The following TRIP12 variants were observed in gnomAD, a reference collection of about 807,000 sequenced individuals.
TRIP12 encodes the protein thyroid hormone receptor interactor 12.
TRIP12 carries 25 observed loss-of-function variants against 244.2 expected under a neutral mutation model. The ratio of observed to expected loss-of-function variants is 0.10; its 90% CI spans 0.07 to 0.14. TRIP12 has a LOEUF of 0.14. TRIP12 is among the 10% of genes least tolerant of loss of function. TRIP12 has a pLI of 1.00. For missense variants in TRIP12, 1,677 were observed against 2,486.4 expected (o/e 0.67, Z 6.92); for synonymous variants, 905 against 873.1 (o/e 1.04, Z -0.64).
intron 2 of TRIP12, among the ~76,000 whole-genome samples, chr2:229,872,269 T>C (rs993973610): frequency 2.6e-5 from 4 of 151,306 alleles, no homozygotes; most frequent in Non-Finnish European, 3.0e-5. Flanking sequence ...ATCTCTCTTT[T>C]AAAAAAAGAA....
rs904718383 is a variant in TRIP12 at position 229,766,997 on chromosome 2, CTGTGAGTTG to C, written c.*548_*556del. The C allele has an allele frequency of 6.6e-6, 1 of 151,914 alleles. No homozygotes were observed. Among genetic ancestry groups the C allele is most frequent in the Non-Finnish European group, 1.5e-5 (1 of 68,004 alleles). The allele number at this position is 151,914 out of a possible 1,614,324, so 9.4% of individuals were successfully genotyped here. On this transcript the variant is annotated 3_prime_UTR_variant, in exon 42 of 42. Coordinates refer to ENST00000675903, the MANE Select transcript of TRIP12 (RefSeq NM_001348323.3). ...CCCATGGGTAACGAAAATTTGAGAA[CTGTGAGTTG>C]TATACAAAAAAAAAACTGTGAGCTG...
chr2:229,909,709 C>A (rs1470441635), intron 1 of TRIP12, among the ~76,000 whole-genome samples: 1 of 151,658 alleles, frequency 6.6e-6, no homozygotes, highest in African/African-American at 2.4e-5. Context: ...ACAAAGTAGC[C>A]AGGTATGGTG....
intron 2 of TRIP12, among the ~76,000 whole-genome samples, chr2:229,867,159 G>T (rs909434042): frequency 2.0e-3 from 92 of 46,334 alleles, no homozygotes; most frequent in East Asian, 7.0e-3. Context: ...GTTTTTTTTT[G>T]TTTGTTTGTT....
intron 15 of TRIP12, among the ~76,000 whole-genome samples, chr2:229,810,598 C>G (rs2047025303): frequency 6.6e-6 from 1 of 152,118 alleles, no homozygotes; most frequent in African/African-American, 2.4e-5. Flanking sequence ...TTCTCCTAAT[C>G]AAGGATGGTT....
At chr2:229,783,690 C>T (rs1050084321) in intron 34 of TRIP12, among the ~76,000 whole-genome samples, 1 of 151,918 alleles carries the variant, frequency 6.6e-6, no homozygotes, top group African/African-American at 2.4e-5. Context: ...TCAATTCTCT[C>T]CAAACTGATC....
intron 38 of TRIP12, among the ~76,000 whole-genome samples, chr2:229,771,841 A>C (rs2154234922): frequency 6.7e-6 from 1 of 150,090 alleles, no homozygotes; most frequent in South Asian, 2.1e-4. Flanking sequence ...AACAAAATGT[A>C]AAAAAAAAAT....
intron 33 of TRIP12, 128 bp from the exon 34 acceptor site, chr2:229,785,983 G>T: frequency 1.3e-6 from 1 of 741,114 alleles, no homozygotes; most frequent in East Asian, 3.0e-5. Flanking sequence ...TCCTTAAACA[G>T]GTAACTCAGA....
chr2:229,811,241 A>T (rs1407007389), intron 13 of TRIP12, 37 bp from the exon 14 acceptor site: 5 of 1,585,662 alleles, frequency 3.2e-6, no homozygotes, highest in Non-Finnish European at 4.3e-6. Flanking sequence ...ATTTATTAGC[A>T]TAAAGCATTT....
At position 229,805,796 on chromosome 2, in the gene TRIP12, T is replaced by A; in HGVS notation, c.2584A>T (p.Asn862Tyr). 1 of 1,611,702 alleles carries A rather than the reference T, an allele frequency of 6.2e-7. No individual in the cohort carries two copies. Among genetic ancestry groups the A allele is most frequent in the African/African-American group, 1.3e-5 (1 of 75,038 alleles). The change falls in exon 18 of 42, where the codon AAT (asparagine) becomes TAT (tyrosine). Residue 862 changes from asparagine (N) to tyrosine (Y), a missense_variant. Transcript: ENST00000675903. Reference protein sequence around the residue: ...TIDFNSMQQINEDTGTARAIQ... With the variant: ...TIDFNSMQQIYEDTGTARAIQ... ...GCACGTGCTGTTCCCGTGTCCTCAT[T>A]GATTTGCTGCATAGAATTAAAATCA...
intron 9 of TRIP12, among the ~76,000 whole-genome samples, chr2:229,815,996 T>C (rs777937133): frequency 6.6e-6 from 1 of 152,192 alleles, no homozygotes; most frequent in Non-Finnish European, 1.5e-5. Flanking sequence ...GCAAAACTGC[T>C]GAGGATACAC....
Position 229,807,891 on chromosome 2 carries a change from A to T in TRIP12, c.2340-27T>A, listed in dbSNP as rs775408615. 6 of 1,595,240 alleles carry T rather than the reference A, an allele frequency of 3.8e-6. No homozygotes were observed. In the South Asian group the frequency reaches 6.7e-5, roughly 18 times the overall value. ...TGAAAACAAAAAGTACAATAATTTT[A>T]GTAACTTTATGAAATATTAGTAAAC... On this transcript the variant is annotated intron_variant, in intron 16 of 41. Coordinates refer to ENST00000675903, the MANE Select transcript of TRIP12 (RefSeq NM_001348323.3).
chr2:229,862,721 G>A (rs543059673), intron 2 of TRIP12, among the ~76,000 whole-genome samples: 2 of 152,220 alleles, frequency 1.3e-5, no homozygotes, highest in East Asian at 3.9e-4. Context: ...TGGGGCAGCA[G>A]CCCTCCTCTT....
intron 21 of TRIP12, among the ~76,000 whole-genome samples, chr2:229,800,903 T>C (rs1406409223): frequency 6.6e-6 from 1 of 152,082 alleles, no homozygotes; most frequent in African/African-American, 2.4e-5. Context: ...ATGCTGTGTC[T>C]CTTTTTGAAA....
At chr2:229,858,584 T>A (rs1220583398) in intron 4 of TRIP12, among the ~76,000 whole-genome samples, 188 bp downstream of exon 4, 3 of 152,202 alleles carry the variant, frequency 2.0e-5, no homozygotes, top group South Asian at 4.1e-4. Flanking sequence ...ATTCCTTACC[T>A]GTCTCAACAA....
At position 229,796,782 on chromosome 2, in the gene TRIP12, C is replaced by A; in HGVS notation, c.3625G>T (p.Val1209Leu). 1 of 1,559,578 alleles carries A rather than the reference C, an allele frequency of 6.4e-7. No individual in the cohort carries two copies. Among genetic ancestry groups the A allele is most frequent in the Non-Finnish European group, 8.6e-7 (1 of 1,159,144 alleles). The change falls in exon 25 of 42, where the codon GTG becomes TTG. Residue 1209 changes from valine (V) to leucine (L), a missense_variant and splice_region_variant. Val to Leu is a conservative substitution (Grantham distance 32). This residue lies in a region of TRIP12 where 572 missense variants were observed against 867.8 expected (regional missense o/e 0.66). Transcript: ENST00000675903. ...CAATEQLNLQ[V>L]DGGAECLVEI... ...ACAAGGCACTCAGCTCCACCATCCA[C>A]CTGAAAGAGTTAGGAAAAGTATTTC...
rs1466162949 is a variant in TRIP12, at chr2:229,797,686, G to C, written c.3624+4C>G. On this transcript the variant is annotated splice_donor_region_variant and intron_variant, in intron 24 of 41. Transcript: ENST00000675903. ...AGACCAGCAAAATGCACTGGACACAGCACCTGGAGGTTGAGTTGTTCGGTT... is the reference window on the plus strand; with the variant it reads ...AGACCAGCAAAATGCACTGGACACACCACCTGGAGGTTGAGTTGTTCGGTT... 1 of 1,613,108 alleles carries C rather than the reference G, an allele frequency of 6.2e-7. No individual in the cohort carries two copies. Among genetic ancestry groups the C allele is most frequent in the East Asian group, 2.2e-5 (1 of 44,868 alleles).
At chr2:229,803,531 A>T (rs2045034621) in intron 20 of TRIP12, 40 bp downstream of exon 20, 1 of 1,282,488 alleles carries the variant, frequency 7.8e-7, no homozygotes, top group African/African-American at 1.5e-5. Flanking sequence ...CTGTTGAAGT[A>T]CTATCTAGAC....
At chr2:229,795,420 AAG>A in intron 25 of TRIP12, 90 bp from the exon 26 acceptor site, 2 of 1,424,650 alleles carry the variant, frequency 1.4e-6, no homozygotes, top group Admixed American at 2.3e-5. Flanking sequence ...AGCTTTATAA[AAG>A]AGAATAATTT....
intron 5 of TRIP12, among the ~76,000 whole-genome samples, chr2:229,838,494 C>T (rs971929108): frequency 1.3e-5 from 2 of 152,202 alleles, no homozygotes; most frequent in Non-Finnish European, 2.9e-5. Context: ...CTGCGCACAG[C>T]ATGATCATGC....
Sources: gnomAD v4.1 joint callset for allele counts (sites outside exome capture counted in the v4.1 genomes callset) on GRCh38, gnomAD v4.1.1 for gene constraint, gnomAD v4.1.1 regional missense constraint, MANE v1.5 for transcripts, NCBI Gene and HGNC (gene_info 2026-07-23, HGNC 2026-07-21) for gene names.